Variants in FOXK1 observed in about 807,000 individuals in gnomAD.
FOXK1 encodes forkhead box protein K1.
Under a neutral mutation model 51.9 loss-of-function variants are expected in FOXK1, and 19 were observed. That is an observed-to-expected ratio of 0.37 (90% confidence interval 0.26 to 0.54). The LOEUF is 0.54. Among genes scored for constraint, FOXK1 ranks in the 20% least tolerant of loss-of-function variants. The probability of loss-of-function intolerance (pLI) is 0.87; values close to 1 mark genes in which losing one functional copy is unlikely to be tolerated. For synonymous variants in FOXK1, 537 were observed against 482.6 expected (o/e 1.11, Z -1.48); for missense variants, 870 against 1,032.7 (o/e 0.84, Z 2.16).
Position 4,745,805 on chromosome 7 carries a change from G to A in FOXK1, c.746+4782G>A. Among the ~76,000 whole-genome samples the A allele has an allele frequency of 6.6e-6, 1 of 151,996 alleles. No homozygotes were observed. The highest frequency in any genetic ancestry group is 1.9e-4 in the East Asian group (1 of 5,186). Reference sequence around the variant, plus strand: ...CTTGGGAGGCTGAGGCAGGAGAATTGCTTGAACCTAGGAGGCAGAGGTTGC... The same window carrying A: ...CTTGGGAGGCTGAGGCAGGAGAATTACTTGAACCTAGGAGGCAGAGGTTGC... On this transcript the variant is annotated intron_variant, in intron 2 of 8. Transcript: ENST00000328914. This position sits in a 1 kb window ranked among gnomAD's most constrained non-coding sequence, Gnocchi z 4.3.
At chr7:4,684,056 C>A (rs146730564) in intron 1 of FOXK1, among the ~76,000 whole-genome samples, 2 of 152,150 alleles carry the variant, frequency 1.3e-5, no homozygotes, top group African/African-American at 2.4e-5. Context: ...GGTAGCATCC[C>A]GTGGTCACCT....
Position 4,755,222 on chromosome 7 carries a change from C to T in FOXK1, c.904-15C>T, listed in dbSNP as rs1467192086. The T allele has an allele frequency of 2.0e-5, 32 of 1,612,564 alleles. 1 individual carries two copies. Among genetic ancestry groups the T allele is most frequent in the South Asian group, 6.6e-5 (6 of 91,058 alleles). ...CCTTGCTGGAGCTCATCCCGTGAGC[C>T]GTGTTTCTCCGCAGGATGAGTCAAA... On this transcript the variant is annotated splice_polypyrimidine_tract_variant and intron_variant, in intron 3 of 8. Transcript: ENST00000328914. This position sits in a 1 kb window ranked among gnomAD's most constrained non-coding sequence, Gnocchi z 6.6.
chr7:4,757,162 A>C lies in FOXK1; in HGVS notation c.1219A>C (p.Thr407Pro), dbSNP rs199578801. ...GCAGAGGGGTGTCTCCTGCTTCCGC[A>C]CCCCCTTCGGGCCTCTGTCCTCAAG... ...RRQRGVSCFRTPFGPLSSRSA... is the reference protein window; with the variant it reads ...RRQRGVSCFRPPFGPLSSRSA... Residue 407 changes from threonine to proline, a missense_variant, in exon 5 of 9, where the codon ACC becomes CCC. Physicochemically the swap from Thr to Pro is conservative, Grantham distance 38. Transcript: ENST00000328914. 6.0e-5 allele frequency: 96 copies of C among 1,609,518 alleles called. No individual in the cohort carries two copies. The highest frequency in any genetic ancestry group is 1.7e-5 in the Admixed American group (1 of 59,738).
chr7:4,695,522 A>G (rs1216812882), intron 1 of FOXK1, among the ~76,000 whole-genome samples: 2 of 152,190 alleles, frequency 1.3e-5, no homozygotes, highest in African/African-American at 4.8e-5. Flanking sequence ...ATGTGGCTCA[A>G]GGCGGGGCGC....
Position 4,763,417 on chromosome 7 carries a change from C to T in FOXK1, c.*953C>T, listed in dbSNP as rs1003361633. ...CACATGGGGACCTAACAGTGCCAAACGCCATCTGCTCCAGCTGCTTTTTCA... is the reference window on the plus strand; with the variant it reads ...CACATGGGGACCTAACAGTGCCAAATGCCATCTGCTCCAGCTGCTTTTTCA... On this transcript the variant is annotated 3_prime_UTR_variant, in exon 9 of 9. Coordinates refer to ENST00000328914, the MANE Select transcript of FOXK1 (RefSeq NM_001037165.2). 1 of 152,382 alleles carries T rather than the reference C, an allele frequency of 6.6e-6. No homozygotes were observed. Among genetic ancestry groups the T allele is most frequent in the African/African-American group, 2.4e-5 (1 of 41,454 alleles). The allele number at this position is 152,382 out of a possible 1,614,324, so 9.4% of individuals were successfully genotyped here.
At chr7:4,705,783 C>G (rs1009892943) in intron 1 of FOXK1, among the ~76,000 whole-genome samples, 27 of 151,046 alleles carry the variant, frequency 1.8e-4, no homozygotes, top group Admixed American at 5.9e-4. Context: ...GTGACCCCCC[C>G]CCGCCTCAGC....
At chr7:4,705,454 T>A (rs1780071425) in intron 1 of FOXK1, among the ~76,000 whole-genome samples, 1 of 151,618 alleles carries the variant, frequency 6.6e-6, no homozygotes, top group Admixed American at 6.6e-5. Context: ...AGTGCTGGGA[T>A]TACAGGCATA....
At position 4,756,759 on chromosome 7, in the gene FOXK1, C is replaced by T. The variant is rs909542204; in HGVS notation, c.1051-235C>T. On this transcript the variant is annotated intron_variant, in intron 4 of 8. Transcript: ENST00000328914. The surrounding 1 kb of genome is among the most constrained non-coding windows in gnomAD (Gnocchi z 4.1). ...CATCCTGGGCGACAGAATGAGACTC[C>T]GTCAAAAAAAAAAAAAAGGTAAAAT... 8.7e-5 allele frequency among the ~76,000 whole-genome samples: 13 copies of T among 149,838 alleles called. No homozygotes were observed. The highest frequency in any genetic ancestry group is 2.0e-4 in the Admixed American group (3 of 15,138).
chr7:4,710,420 C>T (rs1261202565), intron 1 of FOXK1, among the ~76,000 whole-genome samples: 3 of 152,040 alleles, frequency 2.0e-5, no homozygotes, highest in Non-Finnish European at 4.4e-5. Context: ...ACTAAAAATA[C>T]AAAAATTAGC....
At position 4,768,099 on chromosome 7, in the gene FOXK1, AACAG is replaced by A. The variant is rs1781040838; in HGVS notation, c.*5638_*5641del. On this transcript the variant is annotated 3_prime_UTR_variant, in exon 9 of 9. Transcript: ENST00000328914. ...TTTCCCTCTGGACTGAAATTTTAAA[AACAG>A]ACCCATTTCACTGACTTCTTTTTTT... The A allele has an allele frequency of 6.7e-6, 1 of 150,352 alleles. No homozygotes were observed. The highest frequency in any genetic ancestry group is 6.6e-5 in the Admixed American group (1 of 15,120). The allele number at this position is 150,352 out of a possible 1,614,324, so 9.3% of individuals were successfully genotyped here. A position where few individuals can be genotyped will look rare whatever the true frequency, so the allele number is the denominator to read the frequency against.
Position 4,709,942 on chromosome 7 carries a change from C to T in FOXK1, c.560+27074C>T, listed in dbSNP as rs913789951. Among the ~76,000 whole-genome samples, 2 of 152,178 alleles carry T rather than the reference C, an allele frequency of 1.3e-5. No homozygotes were observed. The highest frequency in any genetic ancestry group is 2.9e-5 in the Non-Finnish European group (2 of 68,030). On this transcript the variant is annotated intron_variant, in intron 1 of 8. Transcript: ENST00000328914. The surrounding 1 kb of genome is among the most constrained non-coding windows in gnomAD (Gnocchi z 5.6). ...AGAACACGGAAGCCTGTGTGTTAGG[C>T]GTTAACATTGTTCCCGCGTGAAGGG...
chr7:4,754,357 C>G (rs553069889), intron 2 of FOXK1, 102 bp from the exon 3 acceptor site: 2 of 1,361,478 alleles, frequency 1.5e-6, no homozygotes, highest in African/African-American at 2.9e-5. Context: ...GTGTGAGCTT[C>G]TTCCCCACAG....
chr7:4,769,109 T>C lies in FOXK1; in HGVS notation c.*6645T>C, dbSNP rs924197351. The stretch of plus-strand genomic sequence containing the variant: ...TGGCTGCCCGGAGTATCAGAGAATA[T>C]CACTAAGAGGGCAGTCAGTTTATTT... On this transcript the variant is annotated 3_prime_UTR_variant, in exon 9 of 9. Coordinates refer to ENST00000328914, the MANE Select transcript of FOXK1 (RefSeq NM_001037165.2). The surrounding 1 kb of genome is among the most constrained non-coding windows in gnomAD (Gnocchi z 4.1). The C allele has an allele frequency of 2.6e-5, 4 of 152,202 alleles. No individual in the cohort carries two copies. The highest frequency in any genetic ancestry group is 7.2e-5 in the African/African-American group (3 of 41,446). 9.4% of individuals were successfully genotyped at this position (152,202 alleles called of 1,614,324 possible).
intron 1 of FOXK1, among the ~76,000 whole-genome samples, chr7:4,721,561 A>C (rs1780310520): frequency 6.7e-6 from 1 of 149,668 alleles, no homozygotes; most frequent in Non-Finnish European, 1.5e-5. Context: ...CCTAAGAAGG[A>C]CTTTTCTCTT....
At chr7:4,752,109 C>T (rs183784926) in intron 2 of FOXK1, among the ~76,000 whole-genome samples, 6 of 152,324 alleles carry the variant, frequency 3.9e-5, no homozygotes, top group East Asian at 1.9e-4. Context: ...TGCATTACCA[C>T]GCCCAGCTAA....
At chr7:4,727,309 T>A (rs1321718952) in intron 1 of FOXK1, among the ~76,000 whole-genome samples, 1 of 152,168 alleles carries the variant, frequency 6.6e-6, no homozygotes, top group Non-Finnish European at 1.5e-5. Flanking sequence ...ACTTTATTTT[T>A]AAATTTTATT....
intron 2 of FOXK1, among the ~76,000 whole-genome samples, chr7:4,752,290 G>A (rs898993293): frequency 2.6e-5 from 4 of 152,064 alleles, no homozygotes; most frequent in African/African-American, 7.2e-5. Flanking sequence ...GACTACAGGT[G>A]CACACCACCA....
rs147597020 is a variant in FOXK1 at position 4,760,352 on chromosome 7, C to T, written c.1697-712C>T. ...TGACCCCAGAAGCTCCTCTCCGGAA[C>T]GCCTGCAGTTAGGCAGCGCCCTCCT... On this transcript the variant is annotated intron_variant, in intron 7 of 8. Coordinates refer to ENST00000328914, the MANE Select transcript of FOXK1 (RefSeq NM_001037165.2). Among the ~76,000 whole-genome samples, 63 of 152,332 alleles carry T rather than the reference C, an allele frequency of 4.1e-4. 2 individuals carry two copies. The East Asian group carries it at 8.1e-3, about 20-fold the overall frequency.
In FOXK1 at chr7:4,747,359, C is replaced by T. The variant is rs1482224994; in HGVS notation, c.746+6336C>T. Among the ~76,000 whole-genome samples the T allele has an allele frequency of 6.6e-6, 1 of 152,230 alleles. No homozygotes were observed. Among genetic ancestry groups the T allele is most frequent in the African/African-American group, 2.4e-5 (1 of 41,464 alleles). On this transcript the variant is annotated intron_variant, in intron 2 of 8. Transcript: ENST00000328914. This position sits in a 1 kb window ranked among gnomAD's most constrained non-coding sequence, Gnocchi z 9.2. Reference sequence around the variant, plus strand: ...CTAGCTGCGGGGCCGCCTCTCCGCTCAAGCACCCACTCAGCTCTGTGAGGT... The same window carrying T: ...CTAGCTGCGGGGCCGCCTCTCCGCTTAAGCACCCACTCAGCTCTGTGAGGT...
Sources: gnomAD v4.1 joint callset for allele counts (sites outside exome capture counted in the v4.1 genomes callset) on GRCh38, gnomAD v4.1.1 for gene constraint, Gnocchi (gnomAD v3.1) non-coding constraint, MANE v1.5 for transcripts, NCBI Gene and HGNC (gene_info 2026-07-23, HGNC 2026-07-21) for gene names.